Variants in OR8G5 observed in about 807,000 individuals in gnomAD.
OR8G5 encodes olfactory receptor 8G5.
For missense variants in OR8G5, 347 were observed against 371.9 expected (o/e 0.93, Z 0.55); for synonymous variants, 147 against 147.7 (o/e 1.00, Z 0.03).
At chr11:124,261,641 C>A (rs1358259659) in intron 1 of OR8G5, among the ~76,000 whole-genome samples, 1 of 151,884 alleles carries the variant, frequency 6.6e-6, no homozygotes, top group Non-Finnish European at 1.5e-5. Context: ...AAAAATATCA[C>A]TGTGCATATT....
chr11:124,265,588 C>T lies in OR8G5; in HGVS notation c.657C>T (p.Ile219=). 6.2e-7 allele frequency: 1 copy of T among 1,613,886 alleles called. No individual in the cohort carries two copies. The highest frequency in any genetic ancestry group is 8.5e-7 in the Non-Finnish European group (1 of 1,179,840). The part of the protein sequence containing the change: ...VPSLTILSSY[I]FIIASILRIR... The stretch of plus-strand genomic sequence containing the variant: ...GCCTGACCATCCTCAGCTCTTACAT[C>T]TTCATCATTGCCAGCATCCTCCGCA... The change falls in exon 2 of 2, where the codon ATC becomes ATT. Residue 219 remains isoleucine, a synonymous_variant. Coordinates refer to ENST00000641992, the MANE Select transcript of OR8G5 (RefSeq NM_001005198.2).
At chr11:124,261,729 T>A (rs1861973254) in intron 1 of OR8G5, among the ~76,000 whole-genome samples, 1 of 151,944 alleles carries the variant, frequency 6.6e-6, no homozygotes, top group Admixed American at 6.6e-5. Flanking sequence ...TCAGGCAATG[T>A]ATCCTTTTAA....
intron 1 of OR8G5, among the ~76,000 whole-genome samples, chr11:124,262,690 T>C (rs12577938): frequency 0.48 from 72,694 of 151,180 alleles, 18,193 homozygotes; most frequent in East Asian, 0.58. Flanking sequence ...CACACACACA[T>C]ACACACACAC....
intron 1 of OR8G5, among the ~76,000 whole-genome samples, chr11:124,260,502 CTTAAAAG>C (rs1442590839): frequency 2.0e-5 from 3 of 151,724 alleles, no homozygotes; most frequent in Non-Finnish European, 2.9e-5. Flanking sequence ...GTACCCTGAA[CTTAAAAG>C]TTAAAAAAAG....
Position 124,257,188 on chromosome 11 carries a change from A to C in OR8G5, c.-15+554A>C, listed in dbSNP as rs193033314. ...TAGTGGATATTTGTTTTTAATCATA[A>C]GATAAATTAAGAAAATCTTTTCCCT... is the stretch of plus-strand genomic sequence containing the variant. On this transcript the variant is annotated intron_variant, in intron 1 of 1. Coordinates refer to ENST00000641992, the MANE Select transcript of OR8G5 (RefSeq NM_001005198.2). 2.0e-5 allele frequency among the ~76,000 whole-genome samples: 3 copies of C among 152,344 alleles called. No homozygotes were observed. The East Asian group carries it at 5.8e-4, about 29-fold the overall frequency.
intron 1 of OR8G5, among the ~76,000 whole-genome samples, chr11:124,260,146 A>G (rs1211756154): frequency 6.6e-6 from 1 of 151,322 alleles, no homozygotes; most frequent in Non-Finnish European, 1.5e-5. Context: ...CTCTTCAGGA[A>G]TTTGTTGATA....
At chr11:124,258,590 T>TAAA (rs60303579) in intron 1 of OR8G5, among the ~76,000 whole-genome samples, 16 of 150,074 alleles carry the variant, frequency 1.1e-4, no homozygotes, top group Admixed American at 5.3e-4. Flanking sequence ...ATAATAATAA[T>TAAA]AAAAAAGACA....
Position 124,265,648 on chromosome 11 carries a change from C to T in OR8G5, c.717C>T (p.Ser239=), listed in dbSNP as rs1486764212. 3 of 1,614,050 alleles carry T rather than the reference C, an allele frequency of 1.9e-6. No individual in the cohort carries two copies. The highest frequency in any genetic ancestry group is 4.5e-5 in the East Asian group (2 of 44,866). The change falls in exon 2 of 2, where the codon AGC becomes AGT. Residue 239 remains serine (S), a synonymous_variant. Coordinates refer to ENST00000641992, the MANE Select transcript of OR8G5 (RefSeq NM_001005198.2). ...CTGAGGGCAGGTCCAAAGCCTTCAG[C>T]ACTTGCAGCTCCCACATCTCGGCTG... ...RYTEGRSKAF[S]TCSSHISAVS...
At chr11:124,263,032 G>A (rs1378366932) in intron 1 of OR8G5, among the ~76,000 whole-genome samples, 1 of 147,250 alleles carries the variant, frequency 6.8e-6, no homozygotes, top group African/African-American at 2.5e-5. Context: ...ATGGTTTGTA[G>A]TGTCTCATTA....
intron 1 of OR8G5, among the ~76,000 whole-genome samples, chr11:124,261,137 T>A (rs2954986): frequency 0.48 from 71,454 of 149,710 alleles, 18,068 homozygotes; most frequent in East Asian, 0.58. Flanking sequence ...CGTTCGTTTT[T>A]TGGCTTAATA....
At position 124,265,481 on chromosome 11, in the gene OR8G5, A is replaced by G. The variant is rs1344382016; in HGVS notation, c.550A>G (p.Ile184Val). The stretch of plus-strand genomic sequence containing the variant: ...CCATTATTTCTGTGATCTTATTTCT[A>G]TCTTGAAGCTCTCCTGTTCTAGTAC... Reference protein sequence around the residue: ...INHYFCDLISILKLSCSSTYI... With the variant: ...INHYFCDLISVLKLSCSSTYI... The change falls in exon 2 of 2, where the codon ATC becomes GTC. Residue 184 changes from isoleucine (I) to valine (V), a missense_variant. Transcript: ENST00000641992. The G allele has an allele frequency of 1.2e-6, 2 of 1,613,954 alleles. No homozygotes were observed. The highest frequency in any genetic ancestry group is 8.5e-7 in the Non-Finnish European group (1 of 1,179,872).
At chr11:124,258,006 G>C (rs988972400) in intron 1 of OR8G5, among the ~76,000 whole-genome samples, 10 of 151,860 alleles carry the variant, frequency 6.6e-5, no homozygotes, top group Non-Finnish European at 1.5e-4. Context: ...TCTTGTACAC[G>C]TACTCCATAT....
chr11:124,257,592 G>A (rs1368629037), intron 1 of OR8G5, among the ~76,000 whole-genome samples: 1 of 152,174 alleles, frequency 6.6e-6, no homozygotes, highest in Non-Finnish European at 1.5e-5. Context: ...TTATTATGCA[G>A]ATAAAGTCCC....
intron 1 of OR8G5, among the ~76,000 whole-genome samples, chr11:124,263,855 A>G (rs1862000296): frequency 1.3e-5 from 2 of 152,068 alleles, no homozygotes; most frequent in Non-Finnish European, 2.9e-5. Flanking sequence ...TTGAAATGTA[A>G]CTTTAGTGAA....
intron 1 of OR8G5, 184 bp from the exon 2 acceptor site, chr11:124,264,734 T>C (rs895022326): frequency 3.5e-5 from 23 of 662,250 alleles, no homozygotes; most frequent in Non-Finnish European, 5.8e-5. Flanking sequence ...ATAGGTAAAA[T>C]ATTATCATAT....
At chr11:124,263,005 G>GT (rs1367429891) in intron 1 of OR8G5, among the ~76,000 whole-genome samples, 1 of 148,446 alleles carries the variant, frequency 6.7e-6, no homozygotes, top group Non-Finnish European at 1.5e-5. Context: ...GTTTTGTTTT[G>GT]TTTTTTCTAT....
intron 1 of OR8G5, among the ~76,000 whole-genome samples, chr11:124,261,038 T>C (rs1861966182): frequency 1.3e-5 from 2 of 151,858 alleles, no homozygotes; most frequent in Non-Finnish European, 2.9e-5. Flanking sequence ...TGAGATCAGC[T>C]TTTTTAGCTT....
At chr11:124,264,202 A>G (rs1031412130) in intron 1 of OR8G5, among the ~76,000 whole-genome samples, 2 of 152,028 alleles carry the variant, frequency 1.3e-5, no homozygotes, top group African/African-American at 4.8e-5. Context: ...GCTATTTTAC[A>G]TGCTCAAGGG....
At position 124,265,448 on chromosome 11, in the gene OR8G5, G is replaced by T. The variant is rs934259342; in HGVS notation, c.517G>T (p.Val173Leu). The T allele has an allele frequency of 5.6e-6, 9 of 1,613,854 alleles. No homozygotes were observed. The highest frequency in any genetic ancestry group is 5.0e-5 in the Admixed American group (3 of 59,998). ...MFRVQFCKFDVINHYFCDLIS... is the reference protein window; with the variant it reads ...MFRVQFCKFDLINHYFCDLIS... ...TAGGGTTCAATTCTGCAAATTTGATGTGATCAACCATTATTTCTGTGATCT... is the reference window on the plus strand; with the variant it reads ...TAGGGTTCAATTCTGCAAATTTGATTTGATCAACCATTATTTCTGTGATCT... Residue 173 changes from valine to leucine, a missense_variant, in exon 2 of 2, where the codon GTG (valine) becomes TTG (leucine). Coordinates refer to ENST00000641992, the MANE Select transcript of OR8G5 (RefSeq NM_001005198.2).
Sources: allele counts gnomAD v4.1 joint callset (sites outside exome capture counted in the v4.1 genomes callset), GRCh38; gene constraint gnomAD v4.1.1; transcripts MANE v1.5; gene names NCBI Gene and HGNC (gene_info 2026-07-23, HGNC 2026-07-21).